The following TMEM59 variants were observed in gnomAD, a reference collection of about 807,000 sequenced individuals.
TMEM59 encodes dendritic cell factor 1.
TMEM59 carries 44 observed loss-of-function variants against 42.2 expected under a neutral mutation model. The ratio of observed to expected loss-of-function variants is 1.04; its 90% CI spans 0.82 to 1.34. TMEM59 has a LOEUF of 1.34. Among genes scored for constraint, TMEM59 ranks in the 40% most tolerant of loss-of-function variants. The probability of loss-of-function intolerance (pLI) is 0.00; values close to 1 mark genes in which losing one functional copy is unlikely to be tolerated. For synonymous variants in TMEM59, 148 were observed against 145.8 expected (o/e 1.02, Z -0.11); for missense variants, 359 against 382.8 (o/e 0.94, Z 0.52).
In TMEM59 at chr1:54,052,993, G is replaced by C. The variant is rs527413298; in HGVS notation, c.189+7C>G. ...AAGGGTCGCAGCCCGCTCCGGACGG[G>C]CCCTACCTTAGGGTAGGTGTGCAAG... On this transcript the variant is annotated splice_region_variant and intron_variant, in intron 1 of 7. Transcript: ENST00000234831. 3.7e-6 allele frequency: 6 copies of C among 1,610,038 alleles called. No homozygotes were observed. In the African/African-American group the frequency reaches 8.0e-5, roughly 21 times the overall value.
chr1:54,037,653 C>T, intron 6 of TMEM59, among the ~76,000 whole-genome samples: 1 of 152,208 alleles, frequency 6.6e-6, no homozygotes, highest in East Asian at 1.9e-4. Context: ...ACCCTAATCA[C>T]TCACTTGATA....
chr1:54,043,684 T>C lies in TMEM59; in HGVS notation c.391-159A>G, dbSNP rs193278566. On this transcript the variant is annotated intron_variant, in intron 3 of 7. Transcript: ENST00000234831. ...GCATTAGAGTAAACTCTTAGTTATC[T>C]ATGCACATTATGGTAAAGCTTAAAA... is the stretch of plus-strand genomic sequence containing the variant. The C allele has an allele frequency of 3.5e-5, 13 of 367,436 alleles. No homozygotes were observed. The Admixed American group carries it at 6.1e-4, about 17-fold the overall frequency. The allele number at this position is 367,436 out of a possible 1,614,324, so 22.8% of individuals were successfully genotyped here.
At chr1:54,043,315 A>G in intron 4 of TMEM59, 58 bp downstream of exon 4, 1 of 1,351,268 alleles carries the variant, frequency 7.4e-7, no homozygotes, top group Non-Finnish European at 9.7e-7. Context: ...CACTCATTTA[A>G]GACATATACA....
rs1347915275 is a variant in TMEM59 at position 54,053,051 on chromosome 1, C to G, written c.138G>C (p.Ala46=). Residue 46 remains alanine (A), a synonymous_variant, in exon 1 of 8, where the codon GCG becomes GCC. Coordinates refer to ENST00000234831, the MANE Select transcript of TMEM59 (RefSeq NM_004872.5). The part of the protein sequence containing the change: ...EAFDSVLGDT[A]SCHRACQLTY... ...TCAACTGACAGGCCCGGTGGCAAGA[C>G]GCCGTATCACCCAAGACCGAGTCAA... is the stretch of plus-strand genomic sequence containing the variant. The G allele has an allele frequency of 1.9e-6, 3 of 1,614,152 alleles. No individual in the cohort carries two copies. Among genetic ancestry groups the G allele is most frequent in the East Asian group, 4.5e-5 (2 of 44,868 alleles).
At chr1:54,032,963 T>C (rs1000903646) in intron 7 of TMEM59, among the ~76,000 whole-genome samples, 5 of 151,560 alleles carry the variant, frequency 3.3e-5, no homozygotes, top group Non-Finnish European at 7.4e-5. Flanking sequence ...TCTTGTTCTG[T>C]TACCCAGGCT....
chr1:54,046,362 G>A (rs1217550897), intron 2 of TMEM59, among the ~76,000 whole-genome samples: 1 of 152,126 alleles, frequency 6.6e-6, no homozygotes, highest in Non-Finnish European at 1.5e-5. Context: ...TAAGAAAATT[G>A]AACTAGAAAA....
Position 54,036,634 on chromosome 1 carries a change from A to C in TMEM59, c.792T>G (p.Ala264=). The C allele has an allele frequency of 6.2e-7, 1 of 1,609,836 alleles. No individual in the cohort carries two copies. ...LWICCATVAT[A]VEQYVPSEKL... ...CCTCAGAGGGAACATACTGCTCCAC[A>C]GCTGTAGCAACAGTTGCACAACAAA... Residue 264 remains alanine, a synonymous_variant, in exon 7 of 8, where the codon GCT becomes GCG. Transcript: ENST00000234831.
chr1:54,053,437 CT>C (rs748499978), upstream of TMEM59: 2 of 522,804 alleles, frequency 3.8e-6, no homozygotes, highest in Non-Finnish European at 6.8e-6. Flanking sequence ...GAAGCGGGGC[CT>C]CCTGACTTCT....
rs1656779936 is a variant in TMEM59, at chr1:54,032,047, A to G, written c.*103T>C. 2.9e-6 allele frequency: 3 copies of G among 1,037,344 alleles called. No homozygotes were observed. Among genetic ancestry groups the G allele is most frequent in the Non-Finnish European group, 3.9e-6 (3 of 765,888 alleles). The allele number at this position is 1,037,344 out of a possible 1,614,324, so 64.3% of individuals were successfully genotyped here. The stretch of plus-strand genomic sequence containing the variant: ...ATTTGAGTAACTTTATTTGCATTTT[A>G]TAGTGATTTCTTAAGGCCTATATCC... On this transcript the variant is annotated 3_prime_UTR_variant, in exon 8 of 8. Coordinates refer to ENST00000234831, the MANE Select transcript of TMEM59 (RefSeq NM_004872.5).
chr1:54,040,756 A>G lies in TMEM59; in HGVS notation c.707T>C (p.Leu236Pro). 1 of 1,611,102 alleles carries G rather than the reference A, an allele frequency of 6.2e-7. No individual in the cohort carries two copies. The highest frequency in any genetic ancestry group is 8.5e-7 in the Non-Finnish European group (1 of 1,177,316). Residue 236 changes from leucine to proline, a missense_variant and splice_region_variant, in exon 6 of 8, where the codon CTT (leucine) becomes CCT (proline). Physicochemically the swap from Leu to Pro is moderately conservative, Grantham distance 98. Coordinates refer to ENST00000234831, the MANE Select transcript of TMEM59 (RefSeq NM_004872.5). ...ESDGFLRCLSLNSGWILTTTL... is the reference protein window; with the variant it reads ...ESDGFLRCLSPNSGWILTTTL... ...ACACATAATAAAGAGGAATACATAC[A>G]GAGAGAGGCATCTTAAAAAGCCATC...
chr1:54,043,325 A>G (rs1323012086), intron 4 of TMEM59, 48 bp downstream of exon 4: 1 of 1,421,652 alleles, frequency 7.0e-7, no homozygotes. Flanking sequence ...AGACATATAC[A>G]TTTACTGTTG....
rs1656632483 is a variant in TMEM59, at chr1:54,027,399, T to C, written c.*4751A>G. ...ATGAGAGGGGGTCCACAGGCTTCAC[T>C]GGATCACTAAAAAGCTCAATGGCAC... On this transcript the variant is annotated 3_prime_UTR_variant, in exon 8 of 8. Coordinates refer to ENST00000234831, the MANE Select transcript of TMEM59 (RefSeq NM_004872.5). 1 of 152,126 alleles carries C rather than the reference T, an allele frequency of 6.6e-6. No homozygotes were observed. Among genetic ancestry groups the C allele is most frequent in the African/African-American group, 2.4e-5 (1 of 41,400 alleles). The allele number at this position is 152,126 out of a possible 1,614,324, so 9.4% of individuals were successfully genotyped here.
intron 7 of TMEM59, among the ~76,000 whole-genome samples, chr1:54,036,264 A>G (rs1219482732): frequency 6.6e-6 from 1 of 152,054 alleles, no homozygotes; most frequent in Non-Finnish European, 1.5e-5. Flanking sequence ...CCTGGGTGAC[A>G]GATGAGACTC....
chr1:54,053,182 C>G lies in TMEM59; in HGVS notation c.7G>C (p.Ala3Pro). 1 of 1,614,016 alleles carries G rather than the reference C, an allele frequency of 6.2e-7. No individual in the cohort carries two copies. The highest frequency in any genetic ancestry group is 8.5e-7 in the Non-Finnish European group (1 of 1,179,954). Residue 3 changes from alanine (A) to proline (P), a missense_variant, in exon 1 of 8, where the codon GCG (alanine) becomes CCG (proline). Coordinates refer to ENST00000234831, the MANE Select transcript of TMEM59 (RefSeq NM_004872.5). Reference protein sequence around the residue: MAAPKGSLWVRTQ... With the variant: MAPPKGSLWVRTQ... The stretch of plus-strand genomic sequence containing the variant: ...CTCACCCAGAGGCTCCCCTTCGGCG[C>G]CGCCATCTTGTTCCCCTCTGTCACA...
At chr1:54,032,477 C>A (rs1302567388) in intron 7 of TMEM59, among the ~76,000 whole-genome samples, 172 bp from the exon 8 acceptor site, 1 of 152,192 alleles carries the variant, frequency 6.6e-6, no homozygotes, top group Non-Finnish European at 1.5e-5. Flanking sequence ...ATTCAGCTCC[C>A]AATGGATGGC....
At chr1:54,051,525 C>T (rs1657538745) in intron 1 of TMEM59, among the ~76,000 whole-genome samples, 1 of 152,186 alleles carries the variant, frequency 6.6e-6, no homozygotes, top group African/African-American at 2.4e-5. Flanking sequence ...CCTACAACTT[C>T]CAGGAAGGTA....
At chr1:54,045,948 A>G (rs919015490) in intron 2 of TMEM59, among the ~76,000 whole-genome samples, 162 bp from the exon 3 acceptor site, 4 of 152,260 alleles carry the variant, frequency 2.6e-5, no homozygotes, top group African/African-American at 9.6e-5. Flanking sequence ...TATCTTTAAC[A>G]GAACTCCATA....
Position 54,053,069 on chromosome 1 carries a change from C to A in TMEM59, c.120G>T (p.Ser40=), listed in dbSNP as rs1657623566. ...SGTASAEAFD[S]VLGDTASCHR... is the part of the protein sequence containing the mutation. ...GGCAAGACGCCGTATCACCCAAGAC[C>A]GAGTCAAATGCTTCAGCCGAAGCGG... The change falls in exon 1 of 8, where the codon TCG becomes TCT. Residue 40 remains serine (S), a synonymous_variant. Coordinates refer to ENST00000234831, the MANE Select transcript of TMEM59 (RefSeq NM_004872.5). 3 of 1,614,112 alleles carry A rather than the reference C, an allele frequency of 1.9e-6. No homozygotes were observed. The highest frequency in any genetic ancestry group is 2.5e-6 in the Non-Finnish European group (3 of 1,180,054).
intron 7 of TMEM59, among the ~76,000 whole-genome samples, chr1:54,036,390 A>G (rs1318145222): frequency 6.6e-6 from 1 of 152,172 alleles, no homozygotes; most frequent in African/African-American, 2.4e-5. Flanking sequence ...CAGTCAACAT[A>G]TATGTCACCA....
Sources: allele counts gnomAD v4.1 joint callset (sites outside exome capture counted in the v4.1 genomes callset), GRCh38; gene constraint gnomAD v4.1.1; transcripts MANE v1.5; gene names NCBI Gene and HGNC (gene_info 2026-07-23, HGNC 2026-07-21).